Variants in KBTBD11 observed in about 807,000 individuals in gnomAD.
KBTBD11 encodes kelch repeat and BTB domain-containing protein 11.
For synonymous variants in KBTBD11, 747 were observed against 499.0 expected, an observed-to-expected ratio of 1.50 and a Z score of -6.63; for missense variants, 1,390 against 1,001.8, an observed-to-expected ratio of 1.39 and a Z score of -5.23.
At position 2,002,962 on chromosome 8, in the gene KBTBD11, C is replaced by T. The variant is rs1363979449; in HGVS notation, c.1770C>T (p.Gly590=). 1.5e-6 allele frequency: 2 copies of T among 1,314,960 alleles called. No homozygotes were observed. Among genetic ancestry groups the T allele is most frequent in the East Asian group, 3.1e-5 (1 of 31,966 alleles). 81.5% of individuals were successfully genotyped at this position (1,314,960 alleles called of 1,614,324 possible). The change falls in exon 2 of 2, where the codon GGC becomes GGT. Residue 590 remains glycine, a synonymous_variant. Transcript: ENST00000320248. The surrounding 1 kb of genome is among the most constrained non-coding windows in gnomAD (Gnocchi z 4.1). ...GCGGCGACGCAGGCCAGGGCGGCGG[C>T]TTCGAGGCGCTGGGCGCCCCCTTGG... is the stretch of plus-strand genomic sequence containing the variant. ...EAGGDAGQGG[G]FEALGAPLDV...
At chr8:1,986,217 A>G (rs1563366605) in intron 1 of KBTBD11, among the ~76,000 whole-genome samples, 1 of 152,198 alleles carries the variant, frequency 6.6e-6, no homozygotes, top group African/African-American at 2.4e-5. Context: ...GCCAATGGTC[A>G]TTGTTCCCCC....
chr8:1,988,576 T>C (rs1027394659), intron 1 of KBTBD11, among the ~76,000 whole-genome samples: 1 of 152,222 alleles, frequency 6.6e-6, no homozygotes, highest in Admixed American at 6.5e-5. Flanking sequence ...TTTTGATGAC[T>C]TTTTTCTTGT....
At chr8:1,995,815 A>G (rs929085870) in intron 1 of KBTBD11, among the ~76,000 whole-genome samples, 1 of 152,226 alleles carries the variant, frequency 6.6e-6, no homozygotes, top group African/African-American at 2.4e-5. Context: ...ATTTAAGCCC[A>G]GAAGTTCAGG....
At position 2,001,942 on chromosome 8, in the gene KBTBD11, G is replaced by A. The variant is rs1270493832; in HGVS notation, c.750G>A (p.Glu250=). The A allele has an allele frequency of 1.4e-6, 2 of 1,472,818 alleles. No individual in the cohort carries two copies. The highest frequency in any genetic ancestry group is 1.8e-6 in the Non-Finnish European group (2 of 1,109,018). The allele number at this position is 1,472,818 out of a possible 1,614,324, so 91.2% of individuals were successfully genotyped here. ...CGGCCAAGCGGCAGCGGCTGAACGA[G>A]CTGCGCGACGCCGCCTACTGCTTCA... is the stretch of plus-strand genomic sequence containing the variant. The part of the protein sequence containing the change: ...LSAAKRQRLN[E]LRDAAYCFMS... The change falls in exon 2 of 2, where the codon GAG becomes GAA. Residue 250 remains glutamate, a synonymous_variant. Transcript: ENST00000320248.
Position 2,003,052 on chromosome 8 carries a change from G to C in KBTBD11, c.1860G>C (p.Gln620His). 7.9e-7 allele frequency: 1 copy of C among 1,266,826 alleles called. No homozygotes were observed. Among genetic ancestry groups the C allele is most frequent in the Non-Finnish European group, 1.0e-6 (1 of 1,003,628 alleles). 78.5% of individuals were successfully genotyped at this position (1,266,826 alleles called of 1,614,324 possible). A position where few individuals can be genotyped will look rare whatever the true frequency, so the allele number is the denominator to read the frequency against. ...CTGAGAAGCCGCCCCGAGGGGAGCA[G>C]GGCGCCCCGTAGGCCGGCGGGGTCG... ...SLPEKPPRGEQGAP is the reference protein window; with the variant it reads ...SLPEKPPRGEHGAP Residue 620 changes from glutamine to histidine, a missense_variant, in exon 2 of 2, where the codon CAG becomes CAC. Transcript: ENST00000320248.
Position 2,003,248 on chromosome 8 carries a change from T to G in KBTBD11, c.*184T>G, listed in dbSNP as rs1007339012. ...CGCTTTGCTTTCCTTTTGCTTGTCT[T>G]TGCTTCTGGGGGTGGATGCCTTGAG... is the stretch of plus-strand genomic sequence containing the variant. On this transcript the variant is annotated 3_prime_UTR_variant, in exon 2 of 2. Transcript: ENST00000320248. 3.0e-6 allele frequency: 3 copies of G among 1,009,814 alleles called. No homozygotes were observed. Among genetic ancestry groups the G allele is most frequent in the Non-Finnish European group, 2.6e-6 (2 of 774,704 alleles). 62.6% of individuals were successfully genotyped at this position (1,009,814 alleles called of 1,614,324 possible).
chr8:2,002,204 C>T lies in KBTBD11; in HGVS notation c.1012C>T (p.Arg338Cys). 1 of 1,258,516 alleles carries T rather than the reference C, an allele frequency of 7.9e-7. No individual in the cohort carries two copies. The highest frequency in any genetic ancestry group is 9.9e-7 in the Non-Finnish European group (1 of 1,005,464). 78.0% of individuals were successfully genotyped at this position (1,258,516 alleles called of 1,614,324 possible). Residue 338 changes from arginine (R) to cysteine (C), a missense_variant, in exon 2 of 2, where the codon CGC (arginine) becomes TGC (cysteine). Coordinates refer to ENST00000320248, the MANE Select transcript of KBTBD11 (RefSeq NM_014867.3). The surrounding 1 kb of genome is among the most constrained non-coding windows in gnomAD (Gnocchi z 4.1). ...CTTCCACGCGGCGGCCGGAGAGTGG[C>T]GCGAGCTGACGCGGCTGCCCGAGGG... is the stretch of plus-strand genomic sequence containing the variant. ...YCFHAAAGEW[R>C]ELTRLPEGAP...
chr8:1,997,492 T>C (rs1328725005), intron 1 of KBTBD11, among the ~76,000 whole-genome samples: 3 of 151,740 alleles, frequency 2.0e-5, no homozygotes, highest in Admixed American at 6.6e-5. Context: ...TCCCACATGG[T>C]GTGTGACACC....
intron 1 of KBTBD11, among the ~76,000 whole-genome samples, chr8:1,982,895 T>C (rs1350878286): frequency 6.6e-6 from 1 of 152,084 alleles, no homozygotes; most frequent in African/African-American, 2.4e-5. Context: ...CCAACTAATT[T>C]TTGTACTTTT....
chr8:1,985,638 A>T (rs1219318145), intron 1 of KBTBD11, among the ~76,000 whole-genome samples: 1 of 152,204 alleles, frequency 6.6e-6, no homozygotes, highest in Non-Finnish European at 1.5e-5. Flanking sequence ...TTAACTTCAA[A>T]CCTGCATTTT....
At position 1,973,852 on chromosome 8, in the gene KBTBD11, G is replaced by C. The variant is rs1816207562; in HGVS notation, c.-992G>C. 2.0e-6 allele frequency: 2 copies of C among 982,830 alleles called. No homozygotes were observed. The highest frequency in any genetic ancestry group is 2.4e-6 in the Non-Finnish European group (2 of 829,006). The allele number at this position is 982,830 out of a possible 1,614,324, so 60.9% of individuals were successfully genotyped here. A position where few individuals can be genotyped will look rare whatever the true frequency, so the allele number is the denominator to read the frequency against. ...CCGGGCCGCGGCTCCCACAGGTGCCGGGAAGCGGCCGCGCGCATGCGCCGG... is the reference window on the plus strand; with the variant it reads ...CCGGGCCGCGGCTCCCACAGGTGCCCGGAAGCGGCCGCGCGCATGCGCCGG... On this transcript the variant is annotated 5_prime_UTR_variant, in exon 1 of 2. Coordinates refer to ENST00000320248, the MANE Select transcript of KBTBD11 (RefSeq NM_014867.3).
intron 1 of KBTBD11, among the ~76,000 whole-genome samples, chr8:1,976,997 C>A (rs1254343281): frequency 6.6e-6 from 1 of 152,122 alleles, no homozygotes; most frequent in African/African-American, 2.4e-5. Flanking sequence ...GGTCCTCCAA[C>A]CCATGGGCCA....
At chr8:1,974,813 C>G (rs575708168) in intron 1 of KBTBD11, 3 of 442,636 alleles carry the variant, frequency 6.8e-6, no homozygotes, top group Non-Finnish European at 9.0e-6. Context: ...TCCCCCTCCA[C>G]CCACTCCAGT....
At chr8:1,994,840 C>A (rs747724144) in intron 1 of KBTBD11, among the ~76,000 whole-genome samples, 1 of 152,124 alleles carries the variant, frequency 6.6e-6, no homozygotes, top group African/African-American at 2.4e-5. Flanking sequence ...GGGCGGATCA[C>A]TTGAGGTCAG....
Position 2,000,908 on chromosome 8 carries a change from C to T in KBTBD11, c.-285C>T, listed in dbSNP as rs1198055235. 1 of 366,692 alleles carries T rather than the reference C, an allele frequency of 2.7e-6. No homozygotes were observed. The highest frequency in any genetic ancestry group is 4.8e-6 in the Non-Finnish European group (1 of 206,950). 22.7% of individuals were successfully genotyped at this position (366,692 alleles called of 1,614,324 possible). ...TGGCGCCAGCTGGAGATCCATTCACCAAGACTTTCTGGGCAGATTTAAAGT... is the reference window on the plus strand; with the variant it reads ...TGGCGCCAGCTGGAGATCCATTCACTAAGACTTTCTGGGCAGATTTAAAGT... On this transcript the variant is annotated 5_prime_UTR_variant, in exon 2 of 2. Coordinates refer to ENST00000320248, the MANE Select transcript of KBTBD11 (RefSeq NM_014867.3).
chr8:1,993,401 C>G (rs1463066172), intron 1 of KBTBD11, among the ~76,000 whole-genome samples: 1 of 90,290 alleles, frequency 1.1e-5, no homozygotes, highest in African/African-American at 3.1e-5. Flanking sequence ...GTCCATCCAT[C>G]CATCCATCCA....
At chr8:1,993,980 CAG>C (rs554792950) in intron 1 of KBTBD11, among the ~76,000 whole-genome samples, 2 of 147,694 alleles carry the variant, frequency 1.4e-5, no homozygotes, top group Non-Finnish European at 3.0e-5. Flanking sequence ...GATGGTTTAT[CAG>C]GGGAGCCACA....
chr8:2,002,547 C>T lies in KBTBD11; in HGVS notation c.1355C>T (p.Ala452Val). 1 of 1,568,998 alleles carries T rather than the reference C, an allele frequency of 6.4e-7. No individual in the cohort carries two copies. The highest frequency in any genetic ancestry group is 8.6e-7 in the Non-Finnish European group (1 of 1,167,528). ...PRGAFAVAHE[A>V]TTCHGEIYVS... ...GGCGCCTTCGCCGTGGCGCATGAGG[C>T]CACCACCTGCCACGGCGAGATCTAC... is the stretch of plus-strand genomic sequence containing the variant. Residue 452 changes from alanine (A) to valine (V), a missense_variant, in exon 2 of 2, where the codon GCC (alanine) becomes GTC (valine). Coordinates refer to ENST00000320248, the MANE Select transcript of KBTBD11 (RefSeq NM_014867.3). The surrounding 1 kb of genome is among the most constrained non-coding windows in gnomAD (Gnocchi z 4.1).
At chr8:1,994,364 C>A (rs950214940) in intron 1 of KBTBD11, among the ~76,000 whole-genome samples, 8 of 152,214 alleles carry the variant, frequency 5.3e-5, no homozygotes, top group African/African-American at 1.7e-4. Context: ...GCAGGGGCAA[C>A]CGGCGACCCG....
Sources: gnomAD v4.1 joint callset for allele counts (sites outside exome capture counted in the v4.1 genomes callset) on GRCh38, gnomAD v4.1.1 for gene constraint, Gnocchi (gnomAD v3.1) non-coding constraint, MANE v1.5 for transcripts, NCBI Gene and HGNC (gene_info 2026-07-23, HGNC 2026-07-21) for gene names.